Variants in WASHC4 observed in about 807,000 individuals in gnomAD.
WASHC4 encodes WASH complex subunit 7.
WASHC4 carries 86 observed loss-of-function variants against 166.6 expected under a neutral mutation model. The ratio of observed to expected loss-of-function variants is 0.52; its 90% CI spans 0.43 to 0.62. The LOEUF is 0.62. WASHC4 is among the 20% of genes least tolerant of loss of function. The pLI, the probability that WASHC4 is intolerant of heterozygous loss-of-function variation, is 0.00. For missense variants in WASHC4, 1,262 were observed against 1,382.4 expected (o/e 0.91, Z 1.38); for synonymous variants, 446 against 451.6 (o/e 0.99, Z 0.16).
chr12:105,126,114 A>G lies in WASHC4; in HGVS notation c.897A>G (p.Val299=), dbSNP rs764178607. 13 of 1,613,042 alleles carry G rather than the reference A, an allele frequency of 8.1e-6. No homozygotes were observed. The highest frequency in any genetic ancestry group is 6.7e-5 in the Admixed American group (4 of 59,956). ...AHSIRSIFAN[V]EAKLGEPSEI... ...GTATTCGGTCAATTTTTGCAAATGTAGAAGCCAAACTTGGTAATGTAAATC... is the reference window on the plus strand; with the variant it reads ...GTATTCGGTCAATTTTTGCAAATGTGGAAGCCAAACTTGGTAATGTAAATC... Residue 299 remains valine, a synonymous_variant, in exon 11 of 33, where the codon GTA becomes GTG. Coordinates refer to ENST00000332180, the MANE Select transcript of WASHC4 (RefSeq NM_015275.3).
Position 105,167,853 on chromosome 12 carries a change from T to A in WASHC4, c.*922T>A, listed in dbSNP as rs1391476369. 6.6e-6 allele frequency: 1 copy of A among 152,490 alleles called. No homozygotes were observed. The highest frequency in any genetic ancestry group is 1.5e-5 in the Non-Finnish European group (1 of 67,950). 9.4% of individuals were successfully genotyped at this position (152,490 alleles called of 1,614,324 possible). ...TAAATAATTACACTGTTCAGGCTTT[T>A]AAAAAAATACCACTGTGAGAATAAA... On this transcript the variant is annotated 3_prime_UTR_variant, in exon 33 of 33. Coordinates refer to ENST00000332180, the MANE Select transcript of WASHC4 (RefSeq NM_015275.3).
intron 10 of WASHC4, 89 bp from the exon 11 acceptor site, chr12:105,125,915 A>C: frequency 7.9e-7 from 1 of 1,263,202 alleles, no homozygotes; most frequent in Non-Finnish European, 1.1e-6. Flanking sequence ...ATAGAAATTT[A>C]TCATACACTG....
chr12:105,165,017 TTTTC>T (rs1205416114), intron 32 of WASHC4, among the ~76,000 whole-genome samples: 1 of 152,244 alleles, frequency 6.6e-6, no homozygotes. Context: ...CAAGTTTGGT[TTTTC>T]TTTCATGGCT....
At chr12:105,117,136 T>C (rs984918615) in intron 6 of WASHC4, among the ~76,000 whole-genome samples, 3 of 152,230 alleles carry the variant, frequency 2.0e-5, no homozygotes, top group African/African-American at 7.2e-5. Flanking sequence ...GCTATGATCA[T>C]GATTATGTGT....
chr12:105,142,382 G>T (rs1882945333), intron 18 of WASHC4, 71 bp from the exon 19 acceptor site: 1 of 863,794 alleles, frequency 1.2e-6, no homozygotes. Context: ...TTCTGTAGTA[G>T]ATGTCATTCC....
chr12:105,156,543 T>C (rs1884174240), intron 26 of WASHC4, 183 bp from the exon 27 acceptor site: 1 of 442,420 alleles, frequency 2.3e-6, no homozygotes, highest in Non-Finnish European at 4.0e-6. Flanking sequence ...TGTATGTTTA[T>C]ATTTTAAGTG....
At chr12:105,113,087 T>A (rs1879841622) in intron 2 of WASHC4, among the ~76,000 whole-genome samples, 1 of 152,110 alleles carries the variant, frequency 6.6e-6, no homozygotes, top group Non-Finnish European at 1.5e-5. Flanking sequence ...AATTGTCTCT[T>A]TTTGTTCCTC....
chr12:105,118,434 T>A lies in WASHC4; in HGVS notation c.436-12T>A. The A allele has an allele frequency of 6.3e-7, 1 of 1,594,556 alleles. No individual in the cohort carries two copies. Among genetic ancestry groups the A allele is most frequent in the Non-Finnish European group, 8.6e-7 (1 of 1,162,184 alleles). ...AGTAACTTTATAATATATACCCACC[T>A]TCTCGTTTCAGGAACTGTCTTGCTT... On this transcript the variant is annotated splice_polypyrimidine_tract_variant and intron_variant, in intron 6 of 32. Transcript: ENST00000332180.
Position 105,156,028 on chromosome 12 carries a change from A to T in WASHC4, c.2759-698A>T, listed in dbSNP as rs117033563. 9.1e-3 allele frequency among the ~76,000 whole-genome samples: 1,379 copies of T among 152,308 alleles called. 13 individuals are homozygous for T. The highest frequency in any genetic ancestry group is 0.016 in the Non-Finnish European group (1,077 of 68,014). ...TGATGGATTGGATAGGAGGATATCT[A>T]TGAAGGGGTGAATGAAAAGTGGGTG... On this transcript the variant is annotated intron_variant, in intron 26 of 32. Coordinates refer to ENST00000332180, the MANE Select transcript of WASHC4 (RefSeq NM_015275.3).
rs373847558 is a variant in WASHC4 at position 105,126,029 on chromosome 12, C to G, written c.812C>G (p.Ser271Cys). The change falls in exon 11 of 33, where the codon TCT becomes TGT. Residue 271 changes from serine (S) to cysteine (C), a missense_variant. Coordinates refer to ENST00000332180, the MANE Select transcript of WASHC4 (RefSeq NM_015275.3). Reference protein sequence around the residue: ...FQACIEQQFDSLNGGVSVSKN... With the variant: ...FQACIEQQFDCLNGGVSVSKN... ...GCCTGTATAGAACAACAATTTGATT[C>G]TCTCAATGGAGGAGTATCTGTGTCA... The G allele has an allele frequency of 1.2e-6, 2 of 1,612,162 alleles. No individual in the cohort carries two copies. Among genetic ancestry groups the G allele is most frequent in the African/African-American group, 2.7e-5 (2 of 74,868 alleles).
intron 29 of WASHC4, among the ~76,000 whole-genome samples, chr12:105,161,607 A>G (rs577996311): frequency 3.9e-4 from 59 of 152,370 alleles, no homozygotes; most frequent in Non-Finnish European, 7.2e-4. Flanking sequence ...ACAAAGAAGT[A>G]TAGAATACTG....
At chr12:105,121,767 A>G (rs1565998406) in intron 9 of WASHC4, among the ~76,000 whole-genome samples, 1 of 152,152 alleles carries the variant, frequency 6.6e-6, no homozygotes, top group Non-Finnish European at 1.5e-5. Flanking sequence ...TGGCCTCCCA[A>G]AGTGCTGGGA....
At position 105,168,750 on chromosome 12, in the gene WASHC4, G is replaced by T. The variant is rs1884934561; in HGVS notation, c.*1819G>T. 6.6e-6 allele frequency: 1 copy of T among 151,974 alleles called. No homozygotes were observed. Among genetic ancestry groups the T allele is most frequent in the Non-Finnish European group, 1.5e-5 (1 of 67,946 alleles). 9.4% of individuals were successfully genotyped at this position (151,974 alleles called of 1,614,324 possible). A position where few individuals can be genotyped will look rare whatever the true frequency, so the allele number is the denominator to read the frequency against. On this transcript the variant is annotated 3_prime_UTR_variant, in exon 33 of 33. Coordinates refer to ENST00000332180, the MANE Select transcript of WASHC4 (RefSeq NM_015275.3). ...TCACTGCTATCTGGATAAATTATAA[G>T]TTCATATATTTGAAATAAGATCCTG... is the stretch of plus-strand genomic sequence containing the variant.
At chr12:105,124,421 G>A (rs1461795923) in intron 10 of WASHC4, among the ~76,000 whole-genome samples, 2 of 151,630 alleles carry the variant, frequency 1.3e-5, no homozygotes. Flanking sequence ...TGAACCTATG[G>A]TTTCTGTGAG....
chr12:105,167,051 T>G lies in WASHC4; in HGVS notation c.*120T>G. The stretch of plus-strand genomic sequence containing the variant: ...GGTCACATCTCTGGAAAATAGATGT[T>G]ACAGTTCTTAAAGGCAGTGCTTTAA... On this transcript the variant is annotated 3_prime_UTR_variant, in exon 33 of 33. Coordinates refer to ENST00000332180, the MANE Select transcript of WASHC4 (RefSeq NM_015275.3). The G allele has an allele frequency of 1.3e-6, 1 of 742,454 alleles. No homozygotes were observed. Among genetic ancestry groups the G allele is most frequent in the Admixed American group, 1.9e-5 (1 of 53,732 alleles). The allele number at this position is 742,454 out of a possible 1,614,324, so 46.0% of individuals were successfully genotyped here.
At position 105,152,437 on chromosome 12, in the gene WASHC4, T is replaced by G; in HGVS notation, c.2744T>G (p.Leu915Arg). The G allele has an allele frequency of 6.4e-7, 1 of 1,569,040 alleles. No individual in the cohort carries two copies. Among genetic ancestry groups the G allele is most frequent in the Non-Finnish European group, 8.8e-7 (1 of 1,139,090 alleles). Reference protein sequence around the residue: ...GQSYLDQFRQLISQIGNAMGY... With the variant: ...GQSYLDQFRQRISQIGNAMGY... ...AGCTACCTTGATCAATTCAGGCAAC[T>G]CATCAGCCAGATTGGTAAGTTATGA... is the stretch of plus-strand genomic sequence containing the variant. The change falls in exon 26 of 33, where the codon CTC (leucine) becomes CGC (arginine). Residue 915 changes from leucine (L) to arginine (R), a missense_variant. Physicochemically the swap from Leu to Arg is moderately radical, Grantham distance 102. Transcript: ENST00000332180.
intron 13 of WASHC4, among the ~76,000 whole-genome samples, chr12:105,130,224 GTC>G (rs1881674278): frequency 6.6e-6 from 1 of 152,212 alleles, no homozygotes; most frequent in Non-Finnish European, 1.5e-5. Flanking sequence ...ACTTTGCCAG[GTC>G]ACACAGCTAA....
rs571255636 is a variant in WASHC4, at chr12:105,137,784, A to G, written c.1327-102A>G. On this transcript the variant is annotated intron_variant, in intron 14 of 32. Transcript: ENST00000332180. ...GCTGGCTTTAAGATGAACTTTAGAA[A>G]CATTAGTTATTGGTAAGTTGAGGAA... 6.3e-6 allele frequency: 6 copies of G among 950,178 alleles called. No homozygotes were observed. In the East Asian group the frequency reaches 1.3e-4, roughly 21 times the overall value. The allele number at this position is 950,178 out of a possible 1,614,324, so 58.9% of individuals were successfully genotyped here. A position where few individuals can be genotyped will look rare whatever the true frequency, so the allele number is the denominator to read the frequency against.
chr12:105,163,272 T>C (rs905714533), intron 30 of WASHC4, among the ~76,000 whole-genome samples: 1 of 152,196 alleles, frequency 6.6e-6, no homozygotes, highest in African/African-American at 2.4e-5. Flanking sequence ...GATTTGTTTT[T>C]CATGAGTGTT....
Sources: allele counts gnomAD v4.1 joint callset (sites outside exome capture counted in the v4.1 genomes callset), GRCh38; gene constraint gnomAD v4.1.1; transcripts MANE v1.5; gene names NCBI Gene and HGNC (gene_info 2026-07-23, HGNC 2026-07-21).